The following PRRX1 variants were observed in gnomAD, a reference collection of about 807,000 sequenced individuals.
PRRX1 encodes paired mesoderm homeobox protein 1.
Under a neutral mutation model 24.0 loss-of-function variants are expected in PRRX1, and 8 were observed. The ratio of observed to expected loss-of-function variants is 0.33; its 90% confidence interval spans 0.20 to 0.60. PRRX1 has a LOEUF of 0.60. Among genes scored for constraint, PRRX1 ranks in the 20% least tolerant of loss-of-function variants. PRRX1 has a pLI of 0.82. For synonymous variants in PRRX1, 160 were observed against 131.7 expected (o/e 1.22, Z -1.47); for missense variants, 281 against 322.4 (o/e 0.87, Z 0.98).
At chr1:170,699,972 T>A (rs1271493840) in intron 1 of PRRX1, among the ~76,000 whole-genome samples, 1 of 152,184 alleles carries the variant, frequency 6.6e-6, no homozygotes, top group Non-Finnish European at 1.5e-5. Flanking sequence ...TCTGCCAGCC[T>A]CAACCTCTCA....
intron 2 of PRRX1, chr1:170,722,731 C>G (rs966564800): frequency 1.3e-4 from 20 of 152,296 alleles, no homozygotes; most frequent in African/African-American, 4.8e-4. Context: ...TTAAACAACT[C>G]ACAGGACAAA....
intron 1 of PRRX1, among the ~76,000 whole-genome samples, chr1:170,686,060 A>G (rs1028334363): frequency 5.3e-5 from 8 of 152,036 alleles, no homozygotes; most frequent in African/African-American, 1.7e-4. Context: ...GTTAAAATGT[A>G]GACCGTCTGC....
chr1:170,663,462 T>C (rs1652795641), upstream of PRRX1: 1 of 148,104 alleles, frequency 6.8e-6, no homozygotes, highest in Admixed American at 6.8e-5. Flanking sequence ...ACCAGCACCC[T>C]CCGTCGGACT....
At chr1:170,688,519 T>C (rs1446316211) in intron 1 of PRRX1, among the ~76,000 whole-genome samples, 1 of 152,106 alleles carries the variant, frequency 6.6e-6, no homozygotes, top group Non-Finnish European at 1.5e-5. Flanking sequence ...TACAGATTTA[T>C]GAAATTTATT....
chr1:170,671,529 G>A (rs890256377), intron 1 of PRRX1, among the ~76,000 whole-genome samples: 1 of 152,244 alleles, frequency 6.6e-6, no homozygotes, highest in Non-Finnish European at 1.5e-5. Flanking sequence ...TTCGCCGAAA[G>A]GGGGCGCGCT....
intron 1 of PRRX1, among the ~76,000 whole-genome samples, chr1:170,710,048 A>G (rs1654696141): frequency 6.6e-6 from 1 of 152,180 alleles, no homozygotes; most frequent in African/African-American, 2.4e-5. Flanking sequence ...AAAGATTCAC[A>G]TTGATTTCAG....
chr1:170,667,301 C>CGG (rs1321028969), intron 1 of PRRX1: 3 of 122,770 alleles, frequency 2.4e-5, no homozygotes, highest in Non-Finnish European at 4.9e-5. Context: ...CACACACGCG[C>CGG]GCGCGCGCGC....
At chr1:170,716,330 A>G (rs1447493264) in intron 1 of PRRX1, among the ~76,000 whole-genome samples, 1 of 152,236 alleles carries the variant, frequency 6.6e-6, no homozygotes, top group African/African-American at 2.4e-5. Flanking sequence ...CACGCCTGTA[A>G]TCCCAGCACT....
chr1:170,692,808 C>G (rs1654039610), intron 1 of PRRX1, among the ~76,000 whole-genome samples: 1 of 151,626 alleles, frequency 6.6e-6, no homozygotes, highest in Admixed American at 6.6e-5. Flanking sequence ...TTTTCTGCAA[C>G]TGAGACTTCT....
At chr1:170,705,935 T>TACACACACACACACACACACAC (rs71125270) in intron 1 of PRRX1, among the ~76,000 whole-genome samples, 7 of 146,418 alleles carry the variant, frequency 4.8e-5, no homozygotes, top group African/African-American at 1.3e-4. Flanking sequence ...CACACACACA[T>TACACACACACACACACACACAC]ACACACACAC....
At chr1:170,701,970 C>T (rs1198253547) in intron 1 of PRRX1, among the ~76,000 whole-genome samples, 1 of 150,116 alleles carries the variant, frequency 6.7e-6, no homozygotes, top group Non-Finnish European at 1.5e-5. Flanking sequence ...CACCAGGGAC[C>T]GGTTTCATGG....
chr1:170,681,958 A>C (rs909292249), intron 1 of PRRX1, among the ~76,000 whole-genome samples: 1 of 152,188 alleles, frequency 6.6e-6, no homozygotes, highest in Non-Finnish European at 1.5e-5. Flanking sequence ...AGATTCAGAC[A>C]GTTGTTTCTA....
rs765116280 is a variant in PRRX1 at position 170,726,389 on chromosome 1, C to G, written c.587C>G (p.Ala196Gly). 6.2e-7 allele frequency: 1 copy of G among 1,613,832 alleles called. No individual in the cohort carries two copies. Among genetic ancestry groups the G allele is most frequent in the South Asian group, 1.1e-5 (1 of 91,058 alleles). ...ACCGATTATCTCTCCTGGGGGACAG[C>G]GTCTCCGTACAGGTGAATGACTGGC... ...RPTDYLSWGT[A>G]SPYSAMATYS... Residue 196 changes from alanine to glycine, a missense_variant, in exon 3 of 4, where the codon GCG becomes GGG. Coordinates refer to ENST00000239461, the MANE Select transcript of PRRX1 (RefSeq NM_022716.4).
At chr1:170,698,879 C>A (rs986043943) in intron 1 of PRRX1, among the ~76,000 whole-genome samples, 7 of 152,052 alleles carry the variant, frequency 4.6e-5, no homozygotes, top group Non-Finnish European at 8.8e-5. Flanking sequence ...TCAAGGGGGT[C>A]TCTGGAGAAG....
chr1:170,679,651 G>A (rs1653442962), intron 1 of PRRX1, among the ~76,000 whole-genome samples: 1 of 152,006 alleles, frequency 6.6e-6, no homozygotes, highest in African/African-American at 2.4e-5. Context: ...CGCCCACCTC[G>A]GCCTCCCAAA....
Position 170,694,158 on chromosome 1 carries a change from C to G in PRRX1, c.242-25568C>G, listed in dbSNP as rs148771986. ...AGCACCATAAGGTTTCAGTTTCTCA[C>G]TTGTGTTTTTTTTATAGTACCTGCC... On this transcript the variant is annotated intron_variant, in intron 1 of 3. Transcript: ENST00000239461. 6.8e-3 allele frequency among the ~76,000 whole-genome samples: 1,028 copies of G among 152,122 alleles called. 9 individuals are homozygous for G. The highest frequency in any genetic ancestry group is 0.011 in the Non-Finnish European group (720 of 67,994).
chr1:170,731,302 TAC>T (rs1655429837), intron 3 of PRRX1, among the ~76,000 whole-genome samples: 1 of 151,478 alleles, frequency 6.6e-6, no homozygotes, highest in South Asian at 2.1e-4. Flanking sequence ...CCGTAACCCC[TAC>T]AGTCTTTGAA....
intron 1 of PRRX1, among the ~76,000 whole-genome samples, chr1:170,700,934 G>A (rs1402263657): frequency 6.6e-6 from 1 of 152,114 alleles, no homozygotes; most frequent in African/African-American, 2.4e-5. Context: ...TACCAGCACT[G>A]CATTCCTGAG....
chr1:170,711,739 GA>G (rs1654760035), intron 1 of PRRX1, among the ~76,000 whole-genome samples: 1 of 152,140 alleles, frequency 6.6e-6, no homozygotes, highest in Admixed American at 6.6e-5. Flanking sequence ...AGCAGAAGAA[GA>G]CAAGAGGATA....
Sources: gnomAD v4.1 joint callset for allele counts (sites outside exome capture counted in the v4.1 genomes callset) on GRCh38, gnomAD v4.1.1 for gene constraint, MANE v1.5 for transcripts, NCBI Gene and HGNC (gene_info 2026-07-23, HGNC 2026-07-21) for gene names.